The following COL14A1 variants were observed in gnomAD, a reference collection of about 807,000 sequenced individuals.
COL14A1 encodes collagen type XIV alpha 1 chain, also known as collagen alpha-1(XIV) chain.
COL14A1 carries 136 observed loss-of-function variants against 230.3 expected under a neutral mutation model. The ratio of observed to expected loss-of-function variants is 0.59; its 90% confidence interval spans 0.51 to 0.68. The LOEUF is 0.68. COL14A1 is among the 30% of genes least tolerant of loss of function. The probability of loss-of-function intolerance (pLI) is 0.00; values close to 1 mark genes in which losing one functional copy is unlikely to be tolerated. For missense variants in COL14A1, 1,976 were observed against 2,215.8 expected (o/e 0.89, Z 2.17); for synonymous variants, 792 against 784.1 (o/e 1.01, Z -0.17).
At chr8:120,311,326 A>C (rs1821030585) in intron 37 of COL14A1, among the ~76,000 whole-genome samples, 1 of 152,142 alleles carries the variant, frequency 6.6e-6, no homozygotes, top group African/African-American at 2.4e-5. Context: ...TATAGATTCT[A>C]GTTCCCTCTT....
At chr8:120,142,476 A>G (rs1392311230) in intron 1 of COL14A1, among the ~76,000 whole-genome samples, 1 of 152,154 alleles carries the variant, frequency 6.6e-6, no homozygotes, top group Non-Finnish European at 1.5e-5. Context: ...CCATTTTCCC[A>G]ATGTCTTCTG....
chr8:120,216,215 G>A, intron 13 of COL14A1, 136 bp from the exon 14 acceptor site: 2 of 678,716 alleles, frequency 2.9e-6, no homozygotes, highest in Non-Finnish European at 4.8e-6. Flanking sequence ...ACAATACACT[G>A]GTTATTTCAG....
chr8:120,208,796 C>A (rs1161220756), intron 11 of COL14A1, among the ~76,000 whole-genome samples: 1 of 152,094 alleles, frequency 6.6e-6, no homozygotes, highest in African/African-American at 2.4e-5. Flanking sequence ...AAACAAGCTT[C>A]TGAATACTAA....
intron 21 of COL14A1, 24 bp downstream of exon 21, chr8:120,247,759 G>A (rs2129652778): frequency 1.2e-6 from 2 of 1,610,324 alleles, no homozygotes; most frequent in South Asian, 2.2e-5. Context: ...TGTAAATAAT[G>A]TTGATACCAT....
At chr8:120,203,013 T>TATATATATATAC (rs1554606350) in intron 8 of COL14A1, among the ~76,000 whole-genome samples, 14 of 126,494 alleles carry the variant, frequency 1.1e-4, no homozygotes, top group African/African-American at 4.0e-4. Flanking sequence ...TATATATATA[T>TATATATATATAC]ATATATATTT....
chr8:120,180,405 GA>G (rs1167962693), intron 5 of COL14A1, among the ~76,000 whole-genome samples: 2 of 152,080 alleles, frequency 1.3e-5, no homozygotes, highest in African/African-American at 4.8e-5. Context: ...TACCTTTACT[GA>G]AAAATTCTAG....
At chr8:120,311,047 A>G (rs1489236411) in intron 37 of COL14A1, among the ~76,000 whole-genome samples, 1 of 152,240 alleles carries the variant, frequency 6.6e-6, no homozygotes, top group Non-Finnish European at 1.5e-5. Context: ...TTGGAAACAG[A>G]TGAAGCAAGG....
chr8:120,224,869 A>G (rs1034706577), intron 14 of COL14A1, among the ~76,000 whole-genome samples: 14 of 152,316 alleles, frequency 9.2e-5, no homozygotes, highest in African/African-American at 2.6e-4. Flanking sequence ...GAATGAATGG[A>G]AAGAATATTG....
intron 21 of COL14A1, among the ~76,000 whole-genome samples, chr8:120,250,363 G>A (rs1818897839): frequency 6.6e-6 from 1 of 152,328 alleles, no homozygotes; most frequent in South Asian, 2.1e-4. Flanking sequence ...GGTAGACTGT[G>A]AGGTGGACCA....
At chr8:120,313,185 C>A (rs1306893142) in intron 37 of COL14A1, among the ~76,000 whole-genome samples, 1 of 152,092 alleles carries the variant, frequency 6.6e-6, no homozygotes, top group East Asian at 1.9e-4. Flanking sequence ...CATGGTGAAA[C>A]CCCATCTCTA....
chr8:120,226,320 A>G (rs1377909545), intron 15 of COL14A1, among the ~76,000 whole-genome samples: 1 of 152,132 alleles, frequency 6.6e-6, no homozygotes, highest in African/African-American at 2.4e-5. Flanking sequence ...AAAAAAAATG[A>G]ATATGGCACT....
At chr8:120,331,285 G>A (rs554512597) in intron 40 of COL14A1, among the ~76,000 whole-genome samples, 6 of 152,232 alleles carry the variant, frequency 3.9e-5, no homozygotes, top group South Asian at 4.1e-4. Context: ...CACCAATTCC[G>A]TGGTGAAAAT....
intron 24 of COL14A1, among the ~76,000 whole-genome samples, chr8:120,266,593 T>TG (rs1819506695): frequency 6.6e-6 from 1 of 152,096 alleles, no homozygotes; most frequent in East Asian, 1.9e-4. Context: ...CATTGACTCC[T>TG]GCTGGGTAAA....
At chr8:120,300,458 T>C (rs1057014632) in intron 35 of COL14A1, among the ~76,000 whole-genome samples, 3 of 152,092 alleles carry the variant, frequency 2.0e-5, no homozygotes, top group African/African-American at 7.2e-5. Context: ...GATTTTTTTT[T>C]TGTTGCACTC....
chr8:120,321,076 A>G lies in COL14A1; in HGVS notation c.4659+5079A>G, dbSNP rs181420408. ...CCACAAAATTATATTAGTAAAGATC[A>G]CCACAGGATTTTGTTACTGTGAGAA... On this transcript the variant is annotated intron_variant, in intron 40 of 47. Coordinates refer to ENST00000297848, the MANE Select transcript of COL14A1 (RefSeq NM_021110.4). 5.8e-4 allele frequency among the ~76,000 whole-genome samples: 89 copies of G among 152,298 alleles called. 1 individual carries two copies. Among genetic ancestry groups the G allele is most frequent in the South Asian group, 1.2e-3 (6 of 4,820 alleles).
intron 13 of COL14A1, 96 bp downstream of exon 13, chr8:120,212,673 TA>T: frequency 7.7e-7 from 1 of 1,305,316 alleles, no homozygotes; most frequent in Non-Finnish European, 1.1e-6. Context: ...TGAAACCTCT[TA>T]AAAGCTAATT....
intron 40 of COL14A1, among the ~76,000 whole-genome samples, chr8:120,321,737 T>C (rs1371572517): frequency 3.3e-5 from 5 of 152,204 alleles, no homozygotes; most frequent in African/African-American, 9.6e-5. Flanking sequence ...GTTCTAACAC[T>C]GTCCTTCAGC....
intron 2 of COL14A1, among the ~76,000 whole-genome samples, chr8:120,152,424 C>T (rs1335787591): frequency 7.4e-6 from 1 of 134,886 alleles, no homozygotes; most frequent in African/African-American, 2.8e-5. Context: ...GAGCCGAGAT[C>T]GCACCACTGC....
At chr8:120,137,339 T>TG (rs754600544) in intron 1 of COL14A1, among the ~76,000 whole-genome samples, 4 of 152,106 alleles carry the variant, frequency 2.6e-5, no homozygotes, top group Non-Finnish European at 5.9e-5. Context: ...TATTGTTAAT[T>TG]GTGTTTCAAT....
Sources: allele counts gnomAD v4.1 joint callset (sites outside exome capture counted in the v4.1 genomes callset), GRCh38; gene constraint gnomAD v4.1.1; transcripts MANE v1.5; gene names NCBI Gene and HGNC (gene_info 2026-07-23, HGNC 2026-07-21).